COL4A3: variants seen among roughly 807,000 people sequenced by gnomAD.
COL4A3 encodes the protein collagen type IV alpha 3 chain, also known as collagen alpha-3(IV) chain.
COL4A3 carries 135 observed loss-of-function variants against 217.4 expected under a neutral mutation model. The ratio of observed to expected loss-of-function variants is 0.62; its 90% CI spans 0.54 to 0.72. The LOEUF is 0.72. Among genes scored for constraint, COL4A3 ranks in the 30% least tolerant of loss-of-function variants. COL4A3 has a pLI of 0.00. For synonymous variants in COL4A3, 690 were observed against 736.3 expected, an observed-to-expected ratio of 0.94 and a Z score of 1.02; for missense variants, 1,868 against 2,119.9, an observed-to-expected ratio of 0.88 and a Z score of 2.33.
At chr2:227,246,078 GA>G in intron 6 of COL4A3, 62 bp downstream of exon 6, 1 of 1,339,972 alleles carries the variant, frequency 7.5e-7, no homozygotes, top group Non-Finnish European at 1.1e-6. Context: ...AAATCAAGGT[GA>G]AATGGCAATG....
intron 1 of COL4A3, among the ~76,000 whole-genome samples, chr2:227,202,683 C>T (rs1333538138): frequency 4.8e-5 from 7 of 145,956 alleles, no homozygotes; most frequent in Admixed American, 2.8e-4. Context: ...TGCAGTGAGC[C>T]GAGATAGCGC....
At chr2:227,308,705 A>T (rs183874935) in intron 48 of COL4A3, among the ~76,000 whole-genome samples, 194 bp from the exon 49 acceptor site, 57 of 152,360 alleles carry the variant, frequency 3.7e-4, no homozygotes, top group Non-Finnish European at 2.6e-4. Flanking sequence ...GAGAAAGAAG[A>T]TTTGTTTGCC....
chr2:227,221,221 C>T lies in COL4A3; in HGVS notation c.88-16747C>T, dbSNP rs1045733717. On this transcript the variant is annotated intron_variant, in intron 1 of 51. Coordinates refer to ENST00000396578, the MANE Select transcript of COL4A3 (RefSeq NM_000091.5). ...ACTGGTTCCCCTGTAAGACAGTACT[C>T]TTGATCTTGACATCACCAATCACAG... The T allele has an allele frequency of 3.3e-5, 5 of 152,276 alleles. No individual in the cohort carries two copies. The East Asian group carries it at 9.6e-4, about 29-fold the overall frequency. 9.4% of individuals were successfully genotyped at this position (152,276 alleles called of 1,614,324 possible).
In COL4A3 at chr2:227,266,494, G is replaced by A. The variant is rs750692670; in HGVS notation, c.1393G>A (p.Val465Ile). ...TCTAGGGTCTCCAGGAATCCCAGGA[G>A]TTGATGGGCCCAAAGGTTGGTTCAA... ...GYLGSPGIPG[V>I]DGPKGEPGLL... The change falls in exon 22 of 52, where the codon GTT (valine) becomes ATT (isoleucine). Residue 465 changes from valine to isoleucine, a missense_variant. Val to Ile is a conservative substitution (Grantham distance 29). Coordinates refer to ENST00000396578, the MANE Select transcript of COL4A3 (RefSeq NM_000091.5). 4 of 1,613,612 alleles carry A rather than the reference G, an allele frequency of 2.5e-6. No homozygotes were observed. Among genetic ancestry groups the A allele is most frequent in the Non-Finnish European group, 3.4e-6 (4 of 1,179,718 alleles).
chr2:227,194,454 C>T (rs1437813604), intron 1 of COL4A3, among the ~76,000 whole-genome samples: 1 of 152,200 alleles, frequency 6.6e-6, no homozygotes. Context: ...GAGGCCCTGA[C>T]CTCGCTCTGC....
In COL4A3 at chr2:227,225,061, G is replaced by A. The variant is rs146818952; in HGVS notation, c.88-12907G>A. 8.5e-4 allele frequency among the ~76,000 whole-genome samples: 130 copies of A among 152,190 alleles called. 1 individual carries two copies. The East Asian group carries it at 0.02, about 23-fold the overall frequency. On this transcript the variant is annotated intron_variant, in intron 1 of 51. Transcript: ENST00000396578. Reference sequence around the variant, plus strand: ...TGAGTAGCTGGAACTACAGGCTTGCGCCACCATGCCTGGCTAATTTTTTTT... The same window carrying A: ...TGAGTAGCTGGAACTACAGGCTTGCACCACCATGCCTGGCTAATTTTTTTT...
chr2:227,248,279 T>G, intron 8 of COL4A3, 164 bp from the exon 9 acceptor site: 1 of 663,918 alleles, frequency 1.5e-6, no homozygotes, highest in Non-Finnish European at 2.8e-6. Context: ...GAAAATGCTT[T>G]GAATTCTTCA....
intron 1 of COL4A3, among the ~76,000 whole-genome samples, chr2:227,230,050 CA>C (rs778888378): frequency 2.1e-3 from 144 of 68,910 alleles, no homozygotes; most frequent in Admixed American, 3.1e-3. Flanking sequence ...GACTCCATCT[CA>C]AAAAAAAAAA....
chr2:227,247,731 G>C (rs2069436694), intron 8 of COL4A3, 147 bp downstream of exon 8: 11 of 880,590 alleles, frequency 1.2e-5, no homozygotes, highest in Non-Finnish European at 1.9e-5. Flanking sequence ...ATCGGGACAT[G>C]ATATTTATTC....
chr2:227,308,453 A>G lies in COL4A3; in HGVS notation c.4463-446A>G, dbSNP rs566280831. Among the ~76,000 whole-genome samples the G allele has an allele frequency of 1.2e-4, 18 of 152,268 alleles. No individual in the cohort carries two copies. The South Asian group carries it at 2.1e-3, about 18-fold the overall frequency. On this transcript the variant is annotated intron_variant, in intron 48 of 51. Coordinates refer to ENST00000396578, the MANE Select transcript of COL4A3 (RefSeq NM_000091.5). ...TCTCTCAAACTCTTGAACTCAAGCA[A>G]TCCTCCCTCCTCAGCCTCCCAAAGT...
Position 227,298,632 on chromosome 2 carries a change from C to A in COL4A3, c.3752-50C>A, listed in dbSNP as rs79772251. On this transcript the variant is annotated intron_variant, in intron 42 of 51. Transcript: ENST00000396578. ...TAGAAACAATCACTGATAAATAGAACCTTCCAAGCTCCCTGGCTGGCAATA... is the reference window on the plus strand; with the variant it reads ...TAGAAACAATCACTGATAAATAGAAACTTCCAAGCTCCCTGGCTGGCAATA... The A allele has an allele frequency of 2.1e-4, 332 of 1,611,016 alleles. 3 individuals are homozygous for A. In the African/African-American group the frequency reaches 2.2e-3, roughly 10 times the overall value.
chr2:227,229,718 G>A (rs2068286796), intron 1 of COL4A3, among the ~76,000 whole-genome samples: 1 of 152,136 alleles, frequency 6.6e-6, no homozygotes, highest in Non-Finnish European at 1.5e-5. Context: ...GTACATCCTA[G>A]TATCTCCCTT....
intron 3 of COL4A3, among the ~76,000 whole-genome samples, chr2:227,241,606 G>A (rs769831315): frequency 4.6e-5 from 7 of 152,048 alleles, no homozygotes; most frequent in East Asian, 1.9e-4. Context: ...CCCTGGAGGC[G>A]GAGGCTGCAG....
chr2:227,253,737 C>T lies in COL4A3; in HGVS notation c.765+99C>T, dbSNP rs1490338887. On this transcript the variant is annotated intron_variant, in intron 13 of 51. Coordinates refer to ENST00000396578, the MANE Select transcript of COL4A3 (RefSeq NM_000091.5). This position sits in a 1 kb window ranked among gnomAD's most constrained non-coding sequence, Gnocchi z 4.4. ...TTTTACAAGCTCTTGTTATCTAAGTCCAGCTCAGCCCAGCTCCCTCAGCCA... is the reference window on the plus strand; with the variant it reads ...TTTTACAAGCTCTTGTTATCTAAGTTCAGCTCAGCCCAGCTCCCTCAGCCA... 5.1e-6 allele frequency: 5 copies of T among 985,346 alleles called. No individual in the cohort carries two copies. The highest frequency in any genetic ancestry group is 6.6e-6 in the Non-Finnish European group (4 of 608,956). The allele number at this position is 985,346 out of a possible 1,614,324, so 61.0% of individuals were successfully genotyped here.
Position 227,164,858 on chromosome 2 carries a change from C to T in COL4A3, c.87+45C>T, listed in dbSNP as rs754902626. 6.9e-6 allele frequency: 10 copies of T among 1,454,434 alleles called. No homozygotes were observed. The East Asian group carries it at 8.4e-5, about 12-fold the overall frequency. 90.1% of individuals were successfully genotyped at this position (1,454,434 alleles called of 1,614,324 possible). A position where few individuals can be genotyped will look rare whatever the true frequency, so the allele number is the denominator to read the frequency against. On this transcript the variant is annotated intron_variant, in intron 1 of 51. Transcript: ENST00000396578. This position sits in a 1 kb window ranked among gnomAD's most constrained non-coding sequence, Gnocchi z 4.8. ...CCCCCACCCCCGCACTTCCATCCCT[C>T]CTCCACGCGTCCGGGGGACGCGCTG...
In COL4A3 at chr2:227,164,768, G is replaced by A; in HGVS notation, c.42G>A (p.Leu14=). The A allele has an allele frequency of 6.6e-7, 1 of 1,522,972 alleles. No individual in the cohort carries two copies. Among genetic ancestry groups the A allele is most frequent in the South Asian group, 1.2e-5 (1 of 83,066 alleles). The allele number at this position is 1,522,972 out of a possible 1,614,324, so 94.3% of individuals were successfully genotyped here. ...CCCCCAGGCCGCAGGTGCTCCTGCT[G>A]CCGCTCCTGCTGGTGCTCCTGGCGG... The part of the protein sequence containing the change: ...RTAPRPQVLL[L]PLLLVLLAAA... The change falls in exon 1 of 52, where the codon CTG becomes CTA. Residue 14 remains leucine (L), a synonymous_variant. Coordinates refer to ENST00000396578, the MANE Select transcript of COL4A3 (RefSeq NM_000091.5). This position sits in a 1 kb window ranked among gnomAD's most constrained non-coding sequence, Gnocchi z 4.8.
chr2:227,180,352 A>G (rs1466897397), intron 1 of COL4A3, among the ~76,000 whole-genome samples: 1 of 152,212 alleles, frequency 6.6e-6, no homozygotes, highest in Non-Finnish European at 1.5e-5. Context: ...GAAGAATGAG[A>G]TGTGGATTTA....
At chr2:227,178,534 A>T (rs113715095) in intron 1 of COL4A3, among the ~76,000 whole-genome samples, 26,261 of 151,820 alleles carry the variant, frequency 0.17, 2,414 homozygotes, top group Admixed American at 0.26. Flanking sequence ...TAATGTCATT[A>T]TTTTATTTTA....
rs138705121 is a variant in COL4A3 at position 227,233,785 on chromosome 2, C to G, written c.88-4183C>G. On this transcript the variant is annotated intron_variant, in intron 1 of 51. Transcript: ENST00000396578. The stretch of plus-strand genomic sequence containing the variant: ...ACCAGGCAGGGAGGACTCACGGGAA[C>G]AGCACGCTCACATCAGAGCCTCTCA... Among the ~76,000 whole-genome samples the G allele has an allele frequency of 4.3e-3, 653 of 152,230 alleles. 6 individuals are homozygous for G. Among genetic ancestry groups the G allele is most frequent in the African/African-American group, 0.015 (624 of 41,540 alleles).
Sources: gnomAD v4.1 joint callset for allele counts (sites outside exome capture counted in the v4.1 genomes callset) on GRCh38, gnomAD v4.1.1 for gene constraint, Gnocchi (gnomAD v3.1) non-coding constraint, MANE v1.5 for transcripts, NCBI Gene and HGNC (gene_info 2026-07-23, HGNC 2026-07-21) for gene names.